The following RIMOC1 variants were observed in gnomAD, a reference collection of about 807,000 sequenced individuals.
RIMOC1 encodes the protein RAB7A interacting MON1-CCZ1 complex subunit 1, also known as RAB7A-interacting MON1-CCZ1 complex subunit 1.
At chr5:41,904,583 G>T in the RIMOC1 span, 3 of 955,618 alleles carry the variant, frequency 3.1e-6, no homozygotes, top group African/African-American at 4.9e-5. Context: ...CAGGCCGCAG[G>T]TGGTTACCCG....
the RIMOC1 span, among the ~76,000 whole-genome samples, chr5:41,916,722 AGAAGT>A: frequency 6.6e-6 from 1 of 152,190 alleles, no homozygotes; most frequent in Non-Finnish European, 1.5e-5. Context: ...AGATTCTCAA[AGAAGT>A]TATAGAGTGG....
chr5:41,912,523 G>T, the RIMOC1 span, among the ~76,000 whole-genome samples: 2 of 152,118 alleles, frequency 1.3e-5, no homozygotes, highest in East Asian at 3.9e-4. Flanking sequence ...AGGTTTAATT[G>T]ACTCTCAGTT....
At chr5:41,918,209 A>G in the RIMOC1 span, 1 of 985,690 alleles carries the variant, frequency 1.0e-6, no homozygotes, top group East Asian at 1.1e-4. Context: ...CAGTGACTTT[A>G]TTACATTCCA....
the RIMOC1 span, among the ~76,000 whole-genome samples, chr5:41,906,419 C>T: frequency 6.6e-6 from 1 of 152,110 alleles, no homozygotes; most frequent in African/African-American, 2.4e-5. Flanking sequence ...ATTATGTCAT[C>T]AATTTATGTG....
the RIMOC1 span, chr5:41,918,184 C>A: frequency 1.0e-6 from 1 of 985,790 alleles, no homozygotes; most frequent in Non-Finnish European, 1.2e-6. Context: ...CTTGCTGATA[C>A]CTTGGACTTC....
At chr5:41,921,576 T>C in the RIMOC1 span, 2 of 152,136 alleles carry the variant, frequency 1.3e-5, no homozygotes, top group African/African-American at 4.8e-5. Context: ...CTAGTGAAAA[T>C]TTCCAAGTAA....
the RIMOC1 span, chr5:41,912,335 G>C: frequency 1.7e-6 from 1 of 573,262 alleles, no homozygotes; most frequent in South Asian, 2.3e-5. Flanking sequence ...AAAATTCAAA[G>C]ATAAAATCTT....
the RIMOC1 span, chr5:41,920,209 G>A: frequency 6.6e-6 from 1 of 152,162 alleles, no homozygotes; most frequent in South Asian, 2.1e-4. Flanking sequence ...TATGAGGGTA[G>A]TACTGGGTGC....
the RIMOC1 span, among the ~76,000 whole-genome samples, chr5:41,914,682 A>G: frequency 2.6e-5 from 4 of 151,938 alleles, no homozygotes; most frequent in Admixed American, 2.6e-4. Flanking sequence ...AGGTTGGAGA[A>G]TCAGTTGAGC....
chr5:41,904,636 C>A, the RIMOC1 span, among the ~76,000 whole-genome samples: 1 of 152,160 alleles, frequency 6.6e-6, no homozygotes, highest in Non-Finnish European at 1.5e-5. Context: ...CGATTGCCCA[C>A]TTCCCAGAAC....
At chr5:41,912,994 C>G in the RIMOC1 span, among the ~76,000 whole-genome samples, 1 of 152,186 alleles carries the variant, frequency 6.6e-6, no homozygotes, top group Non-Finnish European at 1.5e-5. Flanking sequence ...CAGACCCCCT[C>G]TTCATGGGGA....
chr5:41,914,418 C>G, the RIMOC1 span, among the ~76,000 whole-genome samples: 1 of 151,900 alleles, frequency 6.6e-6, no homozygotes, highest in Non-Finnish European at 1.5e-5. Context: ...GATCTCACCA[C>G]TGCATTCCAG....
chr5:41,905,142 A>C, the RIMOC1 span, among the ~76,000 whole-genome samples: 5 of 152,110 alleles, frequency 3.3e-5, no homozygotes. Context: ...TTCCTTTTTG[A>C]GTTTGAGCAA....
At chr5:41,908,227 T>C in the RIMOC1 span, 1 of 161,238 alleles carries the variant, frequency 6.2e-6, no homozygotes, top group South Asian at 1.7e-4. Context: ...TTCTCAATAT[T>C]ATTCTCCCTG....
the RIMOC1 span, among the ~76,000 whole-genome samples, chr5:41,913,545 T>C: frequency 6.6e-6 from 1 of 152,224 alleles, no homozygotes; most frequent in Non-Finnish European, 1.5e-5. Flanking sequence ...CAAGGTCATA[T>C]AGCTGCAAGT....
At chr5:41,906,077 A>G in the RIMOC1 span, among the ~76,000 whole-genome samples, 66 of 152,248 alleles carry the variant, frequency 4.3e-4, no homozygotes, top group Non-Finnish European at 4.4e-5. Context: ...CTTTAATGTA[A>G]TGAGTATATA....
the RIMOC1 span, chr5:41,917,831 C>A: frequency 1.2e-6 from 1 of 824,696 alleles, no homozygotes; most frequent in Non-Finnish European, 1.5e-6. Context: ...ACAAAGGAAT[C>A]ATTGTGTTTA....
the RIMOC1 span, chr5:41,921,302 A>G: frequency 2.0e-5 from 3 of 152,552 alleles, no homozygotes; most frequent in African/African-American, 4.8e-5. Context: ...GTTGGTTAAC[A>G]TGATGGTTTC....
the RIMOC1 span, among the ~76,000 whole-genome samples, chr5:41,905,189 T>G: frequency 1.3e-5 from 2 of 152,248 alleles, no homozygotes; most frequent in South Asian, 2.1e-4. Flanking sequence ...GTGGACTGAC[T>G]CATATCATCG....
Sources: gnomAD v4.1 joint callset for allele counts (sites outside exome capture counted in the v4.1 genomes callset) on GRCh38, gnomAD v4.1.1 for gene constraint, MANE v1.5 for transcripts, NCBI Gene and HGNC (gene_info 2026-07-23, HGNC 2026-07-21) for gene names.